Variants in G2E3 observed in about 807,000 individuals in gnomAD.
G2E3 encodes the protein G2/M-phase specific E3 ubiquitin protein ligase.
Under a neutral mutation model 92.8 loss-of-function variants are expected in G2E3, and 35 were observed. The observed-to-expected ratio is 0.38, with a 90% confidence interval of 0.29 to 0.50. The LOEUF is 0.50. Ranked by LOEUF, G2E3 falls within the 20% of genes least tolerant of loss-of-function variation. The pLI, the probability that G2E3 is intolerant of heterozygous loss-of-function variation, is 0.94. For missense variants in G2E3, 554 were observed against 823.8 expected, an observed-to-expected ratio of 0.67 and a Z score of 4.01; for synonymous variants, 242 against 272.4, an observed-to-expected ratio of 0.89 and a Z score of 1.10.
intron 1 of G2E3, among the ~76,000 whole-genome samples, chr14:30,562,431 G>C (rs1176180724): frequency 2.0e-5 from 3 of 152,182 alleles, no homozygotes; most frequent in Non-Finnish European, 4.4e-5. Flanking sequence ...GTGACCAGAA[G>C]ACAAGTGTGA....
chr14:30,572,493 C>T (rs1041312869), intron 1 of G2E3, among the ~76,000 whole-genome samples: 1 of 152,066 alleles, frequency 6.6e-6, no homozygotes, highest in Non-Finnish European at 1.5e-5. Flanking sequence ...AATTAATGCA[C>T]ATTTGTAGAT....
chr14:30,608,121 T>C (rs1440472060), intron 12 of G2E3, 52 bp downstream of exon 12: 3 of 1,019,196 alleles, frequency 2.9e-6, no homozygotes, highest in Non-Finnish European at 2.8e-6. Flanking sequence ...AGGTATCTTT[T>C]AATGTAAATG....
chr14:30,613,490 C>T (rs1882184928), intron 13 of G2E3, among the ~76,000 whole-genome samples: 2 of 151,842 alleles, frequency 1.3e-5, no homozygotes, highest in African/African-American at 2.4e-5. Context: ...AGCTTTTTTG[C>T]TATATGGTAT....
chr14:30,615,018 T>C (rs28679478), intron 13 of G2E3, among the ~76,000 whole-genome samples: 4 of 152,124 alleles, frequency 2.6e-5, no homozygotes, highest in African/African-American at 9.7e-5. Context: ...CTTTGAAGTG[T>C]AAAACACTTC....
At position 30,601,980 on chromosome 14, in the gene G2E3, T is replaced by C. The variant is rs1277559393; in HGVS notation, c.878-19T>C. On this transcript the variant is annotated intron_variant, in intron 9 of 14. Coordinates refer to ENST00000206595, the MANE Select transcript of G2E3 (RefSeq NM_017769.5). ...TACCTATATCTCTATTATGCTAACA[T>C]GGAAATTTAAATCTGTAGGAGAGTT... 1 of 1,607,798 alleles carries C rather than the reference T, an allele frequency of 6.2e-7. No homozygotes were observed. The highest frequency in any genetic ancestry group is 8.5e-7 in the Non-Finnish European group (1 of 1,176,838).
chr14:30,560,385 TC>T (rs1371890494), intron 1 of G2E3: 4 of 166,388 alleles, frequency 2.4e-5, no homozygotes, highest in African/African-American at 9.5e-5. Context: ...AAGTAGGACT[TC>T]ATAATAATCA....
intron 1 of G2E3, among the ~76,000 whole-genome samples, chr14:30,566,371 A>G (rs1879439956): frequency 6.6e-6 from 1 of 152,204 alleles, no homozygotes; most frequent in African/African-American, 2.4e-5. Flanking sequence ...TTTTCAACCT[A>G]TGGATGCAAA....
At chr14:30,604,556 T>C (rs1881734307) in intron 10 of G2E3, among the ~76,000 whole-genome samples, 1 of 152,124 alleles carries the variant, frequency 6.6e-6, no homozygotes, top group Non-Finnish European at 1.5e-5. Flanking sequence ...GCTCAGTAAT[T>C]TGCATTTCTA....
rs984999016 is a variant in G2E3, at chr14:30,618,133, G to C, written c.*1599G>C. ...ACATAATTCTAGTGTACTTTTCTTT[G>C]TTCCCTCATGTCTTTTTCAATCTGT... On this transcript the variant is annotated 3_prime_UTR_variant, in exon 15 of 15. Coordinates refer to ENST00000206595, the MANE Select transcript of G2E3 (RefSeq NM_017769.5). The C allele has an allele frequency of 1.3e-5, 2 of 151,870 alleles. No individual in the cohort carries two copies. Among genetic ancestry groups the C allele is most frequent in the Non-Finnish European group, 2.9e-5 (2 of 67,876 alleles). 9.4% of individuals were successfully genotyped at this position (151,870 alleles called of 1,614,324 possible).
At chr14:30,599,913 G>C (rs1881483421) in intron 8 of G2E3, among the ~76,000 whole-genome samples, 1 of 152,090 alleles carries the variant, frequency 6.6e-6, no homozygotes, top group African/African-American at 2.4e-5. Flanking sequence ...ACCATAAAAA[G>C]GGTTTGGCAT....
chr14:30,592,216 T>G (rs999762167), intron 4 of G2E3, 107 bp from the exon 5 acceptor site: 3 of 975,990 alleles, frequency 3.1e-6, no homozygotes, highest in Admixed American at 2.1e-5. Context: ...TGTTACATGA[T>G]GAAATAATTT....
chr14:30,592,083 CATG>C (rs1881043389), intron 4 of G2E3, among the ~76,000 whole-genome samples: 1 of 152,076 alleles, frequency 6.6e-6, no homozygotes, highest in Non-Finnish European at 1.5e-5. Context: ...GTCTTATCCA[CATG>C]TTAGGCTAGA....
Position 30,617,019 on chromosome 14 carries a change from G to A in G2E3, c.*485G>A, listed in dbSNP as rs1197244875. 1.3e-5 allele frequency: 2 copies of A among 152,512 alleles called. No individual in the cohort carries two copies. The highest frequency in any genetic ancestry group is 4.8e-5 in the African/African-American group (2 of 41,448). The allele number at this position is 152,512 out of a possible 1,614,324, so 9.4% of individuals were successfully genotyped here. On this transcript the variant is annotated 3_prime_UTR_variant, in exon 15 of 15. Transcript: ENST00000206595. ...ATCAGAGTCATATATTCTGGGATTT[G>A]TGTTACTATGCATACTTTTCTAGGA...
chr14:30,600,390 T>G (rs1269150196), intron 8 of G2E3, among the ~76,000 whole-genome samples: 1 of 152,188 alleles, frequency 6.6e-6, no homozygotes, highest in African/African-American at 2.4e-5. Flanking sequence ...AAGGCAGAGA[T>G]CTCATTGAAG....
chr14:30,601,091 G>A (rs1016001912), intron 8 of G2E3, among the ~76,000 whole-genome samples: 12 of 152,160 alleles, frequency 7.9e-5, no homozygotes, highest in African/African-American at 2.7e-4. Context: ...GGGTAGGGAT[G>A]ATATCTAGTT....
Position 30,592,264 on chromosome 14 carries a change from T to C in G2E3, c.238-59T>C, listed in dbSNP as rs1881052404. On this transcript the variant is annotated intron_variant, in intron 4 of 14. Coordinates refer to ENST00000206595, the MANE Select transcript of G2E3 (RefSeq NM_017769.5). ...CCAGGAGTATTTATTTATGTCTTGATCATATTATAATACTCAGATTTTTTA... is the reference window on the plus strand; with the variant it reads ...CCAGGAGTATTTATTTATGTCTTGACCATATTATAATACTCAGATTTTTTA... 14 of 1,436,014 alleles carry C rather than the reference T, an allele frequency of 9.7e-6. No homozygotes were observed. In the South Asian group the frequency reaches 1.6e-4, roughly 17 times the overall value. The allele number at this position is 1,436,014 out of a possible 1,614,324, so 89.0% of individuals were successfully genotyped here.
intron 1 of G2E3, chr14:30,560,684 T>G: frequency 1.6e-6 from 1 of 637,070 alleles, no homozygotes; most frequent in East Asian, 2.7e-5. Flanking sequence ...TTTCATTGGA[T>G]TTTTGCTCTT....
At chr14:30,584,098 G>T (rs1315061083) in intron 2 of G2E3, among the ~76,000 whole-genome samples, 1 of 152,166 alleles carries the variant, frequency 6.6e-6, no homozygotes, top group Admixed American at 6.5e-5. Context: ...GTTGGATAAA[G>T]TAATCCATAA....
Position 30,593,487 on chromosome 14 carries a change from G to T in G2E3, c.376G>T (p.Asp126Tyr). Residue 126 changes from aspartate (D) to tyrosine (Y), a missense_variant, in exon 6 of 15, where the codon GAC becomes TAC. Coordinates refer to ENST00000206595, the MANE Select transcript of G2E3 (RefSeq NM_017769.5). ...TTACATTTTTAGGTCATTTTGTTGG[G>T]ACCATCGACCTGTTCAAATAATTAC... ...FTGNFASFCWDHRPVQIITSN... is the reference protein window; with the variant it reads ...FTGNFASFCWYHRPVQIITSN... 1 of 1,509,868 alleles carries T rather than the reference G, an allele frequency of 6.6e-7. No individual in the cohort carries two copies. The highest frequency in any genetic ancestry group is 9.0e-7 in the Non-Finnish European group (1 of 1,108,452). The allele number at this position is 1,509,868 out of a possible 1,614,324, so 93.5% of individuals were successfully genotyped here.
Sources: allele counts gnomAD v4.1 joint callset (sites outside exome capture counted in the v4.1 genomes callset), GRCh38; gene constraint gnomAD v4.1.1; transcripts MANE v1.5; gene names NCBI Gene and HGNC (gene_info 2026-07-23, HGNC 2026-07-21).